PDK1: variants seen among roughly 807,000 people sequenced by gnomAD.
The protein encoded by PDK1 is [Pyruvate dehydrogenase (acetyl-transferring)] kinase isozyme 1, mitochondrial.
A neutral mutation model predicts 54.2 loss-of-function variants in PDK1; 39 were observed. The ratio of observed to expected loss-of-function variants is 0.72; its 90% CI spans 0.56 to 0.94. The LOEUF (loss-of-function observed/expected upper bound fraction) is 0.94. Ranked by LOEUF, PDK1 falls within the 40% of genes least tolerant of loss-of-function variation. The pLI is 0.00. For synonymous variants in PDK1, 221 were observed against 207.1 expected, an observed-to-expected ratio of 1.07 and a Z score of -0.58; for missense variants, 552 against 566.0, an observed-to-expected ratio of 0.98 and a Z score of 0.25.
At chr2:172,575,906 C>T (rs1420342175) in intron 8 of PDK1, among the ~76,000 whole-genome samples, 1 of 152,038 alleles carries the variant, frequency 6.6e-6, no homozygotes, top group Non-Finnish European at 1.5e-5. Flanking sequence ...AGCTCCTGAG[C>T]TGTGTCTATA....
the PDK1 span, among the ~76,000 whole-genome samples, chr2:172,668,642 G>A: frequency 2.6e-5 from 4 of 151,406 alleles, no homozygotes; most frequent in Non-Finnish European, 4.4e-5. Flanking sequence ...GCCACCAGTT[G>A]TCAACCAGCC....
chr2:172,572,213 C>T (rs183912886), intron 8 of PDK1, among the ~76,000 whole-genome samples: 155 of 152,148 alleles, frequency 1.0e-3, no homozygotes, highest in Admixed American at 2.9e-3. Flanking sequence ...GCACCTGCTC[C>T]CCTCCCCTCC....
intron 2 of PDK1, among the ~76,000 whole-genome samples, chr2:172,560,265 T>G (rs1181602859): frequency 6.6e-6 from 1 of 152,080 alleles, no homozygotes; most frequent in Non-Finnish European, 1.5e-5. Flanking sequence ...GGTCAAGAGA[T>G]TCTCCTGCTA....
the PDK1 span, among the ~76,000 whole-genome samples, chr2:172,622,799 T>C: frequency 1.4e-5 from 2 of 143,220 alleles, no homozygotes; most frequent in South Asian, 4.2e-4. Context: ...GAGATATGTT[T>C]ATATATTATG....
At chr2:172,681,766 T>G in the PDK1 span, among the ~76,000 whole-genome samples, 1 of 152,098 alleles carries the variant, frequency 6.6e-6, no homozygotes, top group African/African-American at 2.4e-5. Flanking sequence ...ATCTATTAGT[T>G]ATTATTATTT....
chr2:172,706,606 T>C, the PDK1 span, among the ~76,000 whole-genome samples: 2 of 152,166 alleles, frequency 1.3e-5, no homozygotes, highest in South Asian at 4.2e-4. Context: ...GTGTTTGTGT[T>C]TTTATAGGAA....
the PDK1 span, among the ~76,000 whole-genome samples, chr2:172,656,748 T>G: frequency 1.5e-4 from 23 of 152,150 alleles, 1 homozygote; most frequent in South Asian, 3.5e-3. Flanking sequence ...AAATCCTGTC[T>G]TTACCAAAAA....
chr2:172,612,068 T>G (rs1039043174), downstream of PDK1, among the ~76,000 whole-genome samples: 1 of 152,264 alleles, frequency 6.6e-6, no homozygotes, highest in African/African-American at 2.4e-5. Context: ...TAAAAGTTGT[T>G]TTCTCACAGA....
At chr2:172,647,690 A>G in the PDK1 span, among the ~76,000 whole-genome samples, 13 of 152,366 alleles carry the variant, frequency 8.5e-5, no homozygotes, top group East Asian at 1.9e-3. Context: ...GAAACTCACT[A>G]TGAAGCAAGC....
At chr2:172,700,010 C>G in the PDK1 span, among the ~76,000 whole-genome samples, 10 of 152,286 alleles carry the variant, frequency 6.6e-5, no homozygotes, top group East Asian at 1.5e-3. Flanking sequence ...ACATCTTGCA[C>G]CGCCCTTAAT....
At chr2:172,634,095 C>T in the PDK1 span, among the ~76,000 whole-genome samples, 2 of 150,820 alleles carry the variant, frequency 1.3e-5, no homozygotes, top group African/African-American at 2.4e-5. Context: ...AGGCTGGTCT[C>T]GAACTCCTGA....
chr2:172,715,323 C>T, the PDK1 span, among the ~76,000 whole-genome samples: 1 of 152,048 alleles, frequency 6.6e-6, no homozygotes, highest in Non-Finnish European at 1.5e-5. Flanking sequence ...TATGCCTTGC[C>T]CAAGTTCTCA....
At chr2:172,715,523 A>T in the PDK1 span, among the ~76,000 whole-genome samples, 1 of 152,134 alleles carries the variant, frequency 6.6e-6, no homozygotes, top group Non-Finnish European at 1.5e-5. Flanking sequence ...AGCGACACAA[A>T]GCCTGCCTAG....
chr2:172,670,829 G>A, the PDK1 span, among the ~76,000 whole-genome samples: 3 of 152,122 alleles, frequency 2.0e-5, no homozygotes, highest in South Asian at 4.1e-4. Flanking sequence ...TTATAAGAGG[G>A]ATTGATAGTC....
intron 2 of PDK1, among the ~76,000 whole-genome samples, chr2:172,559,052 G>A (rs1161532276): frequency 2.6e-5 from 4 of 152,128 alleles, no homozygotes; most frequent in Non-Finnish European, 4.4e-5. Context: ...GGGTTCAGGC[G>A]ATTCTCCTGC....
At chr2:172,627,019 GA>G in the PDK1 span, among the ~76,000 whole-genome samples, 2 of 152,082 alleles carry the variant, frequency 1.3e-5, no homozygotes, top group African/African-American at 4.8e-5. Flanking sequence ...AAAAGATAGA[GA>G]AAAAAAGAGG....
intron 8 of PDK1, among the ~76,000 whole-genome samples, chr2:172,584,053 A>G (rs893341715): frequency 6.6e-6 from 1 of 152,224 alleles, no homozygotes; most frequent in Non-Finnish European, 1.5e-5. Flanking sequence ...TTGATTTGCC[A>G]TACTGTTTGA....
intron 7 of PDK1, among the ~76,000 whole-genome samples, chr2:172,569,812 CA>C (rs1224339645): frequency 1.3e-5 from 2 of 152,188 alleles, no homozygotes; most frequent in Non-Finnish European, 2.9e-5. Context: ...GTTGGGATTA[CA>C]GGCATAAACC....
the PDK1 span, among the ~76,000 whole-genome samples, chr2:172,629,782 G>A: frequency 2.0e-5 from 3 of 152,146 alleles, no homozygotes; most frequent in Non-Finnish European, 4.4e-5. Context: ...GCTGCTGCAG[G>A]CCCGCATGGA....
Sources: allele counts gnomAD v4.1 joint callset (sites outside exome capture counted in the v4.1 genomes callset), GRCh38; gene constraint gnomAD v4.1.1; transcripts MANE v1.5; gene names NCBI Gene and HGNC (gene_info 2026-07-23, HGNC 2026-07-21).